The following CELF4 variants were observed in gnomAD, a reference collection of about 807,000 sequenced individuals.
CELF4 encodes CUGBP Elav-like family member 4, also known as CUG-BP- and ETR-3-like factor 4.
In CELF4, 18 loss-of-function variants were observed where a neutral mutation model predicts 59.9. That is an observed-to-expected ratio of 0.30 (90% CI 0.21 to 0.45). CELF4 has a LOEUF of 0.45. CELF4 is among the 20% of genes least tolerant of loss of function. CELF4 has a pLI of 1.00. For synonymous variants in CELF4, 261 were observed against 267.1 expected (o/e 0.98, Z 0.22); for missense variants, 456 against 689.0 (o/e 0.66, Z 3.79).
chr18:37,268,316 G>A (rs928048634), intron 8 of CELF4, among the ~76,000 whole-genome samples: 5 of 152,176 alleles, frequency 3.3e-5, no homozygotes, highest in Admixed American at 6.5e-5. Context: ...TGATGTGCTT[G>A]GGAGGGTGGT....
chr18:37,298,474 C>T (rs1163504853), intron 3 of CELF4, among the ~76,000 whole-genome samples: 1 of 152,144 alleles, frequency 6.6e-6, no homozygotes, highest in African/African-American at 2.4e-5. Flanking sequence ...AATCCCAGCA[C>T]TTTGGGAGGC....
At chr18:37,353,233 A>AATATATATATATATATAT (rs1557327923) in intron 2 of CELF4, among the ~76,000 whole-genome samples, 61 of 106,948 alleles carry the variant, frequency 5.7e-4, no homozygotes, top group Admixed American at 1.4e-3. Context: ...AAAAAAAAAA[A>AATATATATATATATATAT]ATATATATAT....
At chr18:37,318,933 G>A (rs923242269) in intron 3 of CELF4, among the ~76,000 whole-genome samples, 6 of 152,038 alleles carry the variant, frequency 3.9e-5, no homozygotes, top group African/African-American at 7.2e-5. Context: ...GGCCTGGGTC[G>A]GTGGCCCTTG....
chr18:37,335,472 C>T (rs2097734604), intron 2 of CELF4, among the ~76,000 whole-genome samples: 1 of 149,888 alleles, frequency 6.7e-6, no homozygotes, highest in Non-Finnish European at 1.5e-5. Flanking sequence ...GTATGCATGT[C>T]AGTGCATGCA....
At chr18:37,540,668 C>T (rs970901861) in intron 1 of CELF4, among the ~76,000 whole-genome samples, 4 of 152,166 alleles carry the variant, frequency 2.6e-5, no homozygotes, top group African/African-American at 4.8e-5. Context: ...CAGCAGTTCC[C>T]GCTCTCCCTG....
At chr18:37,562,050 C>T (rs923626866) in intron 1 of CELF4, among the ~76,000 whole-genome samples, 1 of 152,132 alleles carries the variant, frequency 6.6e-6, no homozygotes, top group African/African-American at 2.4e-5. Flanking sequence ...TACCCCTCTC[C>T]CCAATTGCTT....
intron 1 of CELF4, among the ~76,000 whole-genome samples, chr18:37,525,748 G>A (rs2099963168): frequency 1.3e-5 from 2 of 152,044 alleles, no homozygotes; most frequent in South Asian, 2.1e-4. Context: ...TATGCTGAAG[G>A]GAGGAAATGG....
chr18:37,451,964 C>T (rs2099765338), intron 2 of CELF4, among the ~76,000 whole-genome samples: 1 of 152,204 alleles, frequency 6.6e-6, no homozygotes, highest in African/African-American at 2.4e-5. Flanking sequence ...CTGCCCACCC[C>T]TCCATTCTTG....
At chr18:37,541,581 T>G (rs796964006) in intron 1 of CELF4, among the ~76,000 whole-genome samples, 3 of 152,168 alleles carry the variant, frequency 2.0e-5, no homozygotes, top group African/African-American at 7.2e-5. Context: ...TTCCAACACT[T>G]CTTGCTAACC....
chr18:37,395,141 A>G (rs986482869), intron 2 of CELF4, among the ~76,000 whole-genome samples: 6 of 151,970 alleles, frequency 3.9e-5, no homozygotes, highest in Non-Finnish European at 5.9e-5. Flanking sequence ...CACCTCGTCT[A>G]TGCCATGTTC....
chr18:37,267,053 T>C (rs1420264301), intron 8 of CELF4, among the ~76,000 whole-genome samples: 1 of 152,158 alleles, frequency 6.6e-6, no homozygotes, highest in African/African-American at 2.4e-5. Flanking sequence ...TACCACTTTG[T>C]CCTCCTGGGC....
rs533597680 is a variant in CELF4 at position 37,291,504 on chromosome 18, C to T, written c.449-16261G>A. On this transcript the variant is annotated intron_variant, in intron 3 of 12. Coordinates refer to ENST00000420428, the MANE Select transcript of CELF4 (RefSeq NM_020180.4). ...AATGTGAAACTCACCTTGGATTTAA[C>T]GGCTGGAGGCTTGCATTTGGTTTCC... 1.1e-4 allele frequency among the ~76,000 whole-genome samples: 16 copies of T among 152,280 alleles called. No individual in the cohort carries two copies. The East Asian group carries it at 1.3e-3, about 13-fold the overall frequency.
chr18:37,415,767 G>A (rs2099522578), intron 2 of CELF4, among the ~76,000 whole-genome samples: 1 of 152,214 alleles, frequency 6.6e-6, no homozygotes, highest in African/African-American at 2.4e-5. Flanking sequence ...TAAACTAGCA[G>A]TAGTTGGAGA....
chr18:37,457,881 C>T (rs985177473), intron 2 of CELF4, among the ~76,000 whole-genome samples: 8 of 152,172 alleles, frequency 5.3e-5, no homozygotes, highest in African/African-American at 1.9e-4. Context: ...TCCGATGCTC[C>T]AAGGATCCAG....
At chr18:37,299,346 T>C (rs58946606) in intron 3 of CELF4, among the ~76,000 whole-genome samples, 22,419 of 152,148 alleles carry the variant, frequency 0.15, 2,094 homozygotes, top group African/African-American at 0.27. Context: ...CACTGGCCCA[T>C]CCCTTAGAAG....
chr18:37,425,317 G>C (rs995495928), intron 2 of CELF4, among the ~76,000 whole-genome samples: 2 of 152,220 alleles, frequency 1.3e-5, no homozygotes, highest in African/African-American at 4.8e-5. Flanking sequence ...GTCCATTAAT[G>C]TATCTGCTTT....
intron 2 of CELF4, among the ~76,000 whole-genome samples, chr18:37,483,314 T>C (rs1223950547): frequency 6.6e-6 from 1 of 152,246 alleles, no homozygotes; most frequent in African/African-American, 2.4e-5. Context: ...GTGGAGACAA[T>C]GTGCCCTCGG....
At chr18:37,353,064 A>G (rs981258431) in intron 2 of CELF4, among the ~76,000 whole-genome samples, 98 of 151,960 alleles carry the variant, frequency 6.4e-4, no homozygotes, top group East Asian at 9.7e-4. Context: ...TACTAAAAAT[A>G]CAAAAAATTA....
intron 2 of CELF4, among the ~76,000 whole-genome samples, chr18:37,457,873 C>A (rs919687271): frequency 3.3e-5 from 5 of 152,112 alleles, no homozygotes; most frequent in African/African-American, 1.2e-4. Flanking sequence ...GCATAATATC[C>A]GATGCTCCAA....
Sources: gnomAD v4.1 joint callset for allele counts (sites outside exome capture counted in the v4.1 genomes callset) on GRCh38, gnomAD v4.1.1 for gene constraint, MANE v1.5 for transcripts, NCBI Gene and HGNC (gene_info 2026-07-23, HGNC 2026-07-21) for gene names.